ZNF638: variants seen among roughly 807,000 people sequenced by gnomAD.
ZNF638 encodes the protein zinc finger protein 638.
A neutral mutation model predicts 195.6 loss-of-function variants in ZNF638; 46 were observed. The ratio of observed to expected loss-of-function variants is 0.24; its 90% CI spans 0.19 to 0.30. ZNF638 has a LOEUF of 0.30. Among genes scored for constraint, ZNF638 ranks in the 10% least tolerant of loss-of-function variants. ZNF638 has a pLI of 1.00. For missense variants in ZNF638, 2,440 were observed against 2,325.3 expected (o/e 1.05, Z -1.01); for synonymous variants, 845 against 772.0 (o/e 1.09, Z -1.57).
chr2:71,428,696 GGA>G (rs2080591505), intron 25 of ZNF638, 45 bp downstream of exon 25: 1 of 1,492,564 alleles, frequency 6.7e-7, no homozygotes, highest in South Asian at 1.2e-5. Flanking sequence ...ACACAACACA[GGA>G]GAGTAGTTGA....
chr2:71,392,463 G>C (rs576346685), intron 10 of ZNF638, among the ~76,000 whole-genome samples: 2 of 149,138 alleles, frequency 1.3e-5, no homozygotes, highest in African/African-American at 2.4e-5. Context: ...TAGTGACTCT[G>C]TTTGTTTGTT....
At chr2:71,405,985 A>G (rs2080098117) in intron 18 of ZNF638, 143 bp from the exon 19 acceptor site, 2 of 888,396 alleles carry the variant, frequency 2.3e-6, no homozygotes, top group East Asian at 2.5e-5. Flanking sequence ...TTAAGACCTC[A>G]CTGTCTTCCC....
chr2:71,392,812 C>T (rs1220150794), intron 10 of ZNF638, among the ~76,000 whole-genome samples: 1 of 152,122 alleles, frequency 6.6e-6, no homozygotes, highest in Non-Finnish European at 1.5e-5. Flanking sequence ...CAGGTGTTAA[C>T]CTTAGAGGAC....
At chr2:71,385,167 A>C (rs2079611570) in intron 10 of ZNF638, among the ~76,000 whole-genome samples, 1 of 152,234 alleles carries the variant, frequency 6.6e-6, no homozygotes, top group South Asian at 2.1e-4. Context: ...AGAGAAACTC[A>C]TACATTGTGT....
intron 22 of ZNF638, 57 bp from the exon 23 acceptor site, chr2:71,424,593 A>C: frequency 7.0e-7 from 1 of 1,418,610 alleles, no homozygotes; most frequent in Non-Finnish European, 9.7e-7. Context: ...TTTTTCCAGA[A>C]CATTAATAAT....
chr2:71,425,726 A>G (rs1026791000), intron 23 of ZNF638, among the ~76,000 whole-genome samples: 4 of 151,958 alleles, frequency 2.6e-5, no homozygotes, highest in South Asian at 4.1e-4. Flanking sequence ...CTGGAGTGCA[A>G]TGGCGTGATC....
At chr2:71,375,708 G>A (rs955615780) in intron 8 of ZNF638, 2 of 152,114 alleles carry the variant, frequency 1.3e-5, no homozygotes, top group East Asian at 1.9e-4. Context: ...ATAATAAAAC[G>A]GAGATTAGAA....
intron 10 of ZNF638, among the ~76,000 whole-genome samples, chr2:71,390,435 C>T (rs375345870): frequency 2.6e-5 from 4 of 152,164 alleles, no homozygotes; most frequent in Non-Finnish European, 4.4e-5. Context: ...GATGATCAAG[C>T]CTATCCAGCA....
At chr2:71,402,995 T>C (rs188317686) in intron 16 of ZNF638, among the ~76,000 whole-genome samples, 1 of 152,264 alleles carries the variant, frequency 6.6e-6, no homozygotes, top group Non-Finnish European at 1.5e-5. Context: ...ATCGCAGAGC[T>C]CAGTAAATAC....
At chr2:71,337,825 T>C (rs1407619769) in intron 1 of ZNF638, among the ~76,000 whole-genome samples, 1 of 135,762 alleles carries the variant, frequency 7.4e-6, no homozygotes, top group Non-Finnish European at 1.7e-5. Flanking sequence ...GATGTTGCAT[T>C]TAGTTGTTAT....
At chr2:71,363,602 C>A (rs1267707458) in intron 4 of ZNF638, among the ~76,000 whole-genome samples, 2 of 152,162 alleles carry the variant, frequency 1.3e-5, no homozygotes, top group African/African-American at 4.8e-5. Context: ...TTGAAAACAT[C>A]TGTTTACGTA....
intron 15 of ZNF638, among the ~76,000 whole-genome samples, chr2:71,400,751 A>T (rs777155050): frequency 2.6e-5 from 4 of 152,182 alleles, no homozygotes; most frequent in Admixed American, 6.5e-5. Flanking sequence ...TCATCAACAA[A>T]TGTACATGTT....
chr2:71,409,289 A>C (rs1274235262), intron 20 of ZNF638, among the ~76,000 whole-genome samples: 1 of 152,170 alleles, frequency 6.6e-6, no homozygotes, highest in Non-Finnish European at 1.5e-5. Context: ...ATTTAAAATG[A>C]GTTAATAATC....
Position 71,408,242 on chromosome 2 carries a change from C to A in ZNF638, c.3256C>A (p.Pro1086Thr). 6.2e-7 allele frequency: 1 copy of A among 1,608,050 alleles called. No individual in the cohort carries two copies. Among genetic ancestry groups the A allele is most frequent in the South Asian group, 1.1e-5 (1 of 89,474 alleles). ...TCSLSPKIDL[P>T]EVQIEHDPEL... ...CTCATTATCTCCAAAGATAGACTTA[C>A]CAGAGGTAAGATTTATCTTTCTTCA... is the stretch of plus-strand genomic sequence containing the variant. Residue 1086 changes from proline to threonine, a missense_variant, in exon 20 of 28, where the codon CCA (proline) becomes ACA (threonine). Transcript: ENST00000264447.
chr2:71,355,780 A>G lies in ZNF638; in HGVS notation c.1379A>G (p.Gln460Arg), dbSNP rs772900545. ...HIESCRQLRQQYPDWNPEILP... is the reference protein window; with the variant it reads ...HIESCRQLRQRYPDWNPEILP... ...GAGAGCTGTCGACAGTTACGTCAACAGTAAGAATATATTTTTCCTTTATTA... is the reference window on the plus strand; with the variant it reads ...GAGAGCTGTCGACAGTTACGTCAACGGTAAGAATATATTTTTCCTTTATTA... The change falls in exon 3 of 28, where the codon CAG becomes CGG. Residue 460 changes from glutamine (Q) to arginine (R), a missense_variant and splice_region_variant. Coordinates refer to ENST00000264447, the MANE Select transcript of ZNF638 (RefSeq NM_014497.5). 7.6e-6 allele frequency: 12 copies of G among 1,574,916 alleles called. No individual in the cohort carries two copies. The highest frequency in any genetic ancestry group is 1.4e-5 in the African/African-American group (1 of 73,678).
At chr2:71,367,404 C>T (rs10445946) in intron 6 of ZNF638, among the ~76,000 whole-genome samples, 69,126 of 147,574 alleles carry the variant, frequency 0.47, 17,971 homozygotes, top group Admixed American at 0.6. Context: ...TACAGGTATG[C>T]GCCAACACAC....
chr2:71,405,706 T>C (rs2080092601), intron 18 of ZNF638, 64 bp downstream of exon 18: 1 of 1,236,752 alleles, frequency 8.1e-7, no homozygotes, highest in African/African-American at 1.5e-5. Context: ...GTTTTACTTG[T>C]TTGCCTTTTA....
intron 6 of ZNF638, among the ~76,000 whole-genome samples, chr2:71,366,838 C>T (rs949784877): frequency 1.3e-5 from 2 of 151,920 alleles, no homozygotes; most frequent in East Asian, 1.9e-4. Flanking sequence ...CTACTGGTTA[C>T]GATACTAAGG....
intron 11 of ZNF638, among the ~76,000 whole-genome samples, chr2:71,397,044 T>A (rs534210220): frequency 3.3e-5 from 5 of 152,274 alleles, no homozygotes; most frequent in African/African-American, 1.2e-4. Flanking sequence ...AGATCCAGAA[T>A]TTTCATATAG....
Sources: allele counts gnomAD v4.1 joint callset (sites outside exome capture counted in the v4.1 genomes callset), GRCh38; gene constraint gnomAD v4.1.1; transcripts MANE v1.5; gene names NCBI Gene and HGNC (gene_info 2026-07-23, HGNC 2026-07-21).